ZNF34: variants seen among roughly 807,000 people sequenced by gnomAD.
ZNF34 encodes the protein zinc finger protein 34.
In ZNF34, 8 loss-of-function variants were observed where a neutral mutation model predicts 14.4. The ratio of observed to expected loss-of-function variants is 0.55; its 90% CI spans 0.33 to 1.00. The LOEUF is 1.00. Among genes scored for constraint, ZNF34 ranks in the 50% least tolerant of loss-of-function variants. ZNF34 has a pLI of 0.03. For missense variants in ZNF34, 538 were observed against 674.2 expected, an observed-to-expected ratio of 0.80 and a Z score of 2.24; for synonymous variants, 235 against 247.9, an observed-to-expected ratio of 0.95 and a Z score of 0.49.
chr8:144,782,998 T>G (rs1054001069), intron 1 of ZNF34, among the ~76,000 whole-genome samples: 1 of 138,360 alleles, frequency 7.2e-6, no homozygotes, highest in African/African-American at 3.5e-5. Flanking sequence ...TTTAAATAGA[T>G]TAAAAAAAAA....
At chr8:144,778,562 T>G (rs1212285699) in intron 2 of ZNF34, 37 bp from the exon 3 acceptor site, 1 of 1,478,480 alleles carries the variant, frequency 6.8e-7, no homozygotes, top group Non-Finnish European at 9.1e-7. Flanking sequence ...AGGCCCAGTC[T>G]GGCCCCTTCT....
intron 1 of ZNF34, among the ~76,000 whole-genome samples, chr8:144,780,508 C>T (rs978723090): frequency 6.6e-6 from 1 of 152,220 alleles, no homozygotes; most frequent in Non-Finnish European, 1.5e-5. Context: ...ACAGAACTGG[C>T]CGGGTGTGGT....
intron 3 of ZNF34, 120 bp from the exon 4 acceptor site, chr8:144,778,284 C>T (rs1586732424): frequency 8.2e-6 from 12 of 1,454,682 alleles, no homozygotes; most frequent in Middle Eastern, 1.8e-4. Flanking sequence ...CATCTGCCAC[C>T]GAGCCAGCTA....
At position 144,777,675 on chromosome 8, in the gene ZNF34, G is replaced by C; in HGVS notation, c.161-98C>G. The C allele has an allele frequency of 7.0e-7, 1 of 1,420,296 alleles. No homozygotes were observed. The highest frequency in any genetic ancestry group is 9.5e-7 in the Non-Finnish European group (1 of 1,054,588). 88.0% of individuals were successfully genotyped at this position (1,420,296 alleles called of 1,614,324 possible). A position where few individuals can be genotyped will look rare whatever the true frequency, so the allele number is the denominator to read the frequency against. ...CTGCAGGGTAAGGGAGGCACAGGCAGAGGGGGTGATGGAAGCCTGGACACT... is the reference window on the plus strand; with the variant it reads ...CTGCAGGGTAAGGGAGGCACAGGCACAGGGGGTGATGGAAGCCTGGACACT... On this transcript the variant is annotated intron_variant, in intron 4 of 5. Coordinates refer to ENST00000429371, the MANE Select transcript of ZNF34 (RefSeq NM_001286769.2). This position sits in a 1 kb window ranked among gnomAD's most constrained non-coding sequence, Gnocchi z 4.8.
rs764459277 is a variant in ZNF34 at position 144,777,665 on chromosome 8, G to A, written c.161-88C>T. 402 of 1,470,398 alleles carry A rather than the reference G, an allele frequency of 2.7e-4. No homozygotes were observed. The highest frequency in any genetic ancestry group is 3.6e-4 in the Non-Finnish European group (394 of 1,094,936). The allele number at this position is 1,470,398 out of a possible 1,614,324, so 91.1% of individuals were successfully genotyped here. A position where few individuals can be genotyped will look rare whatever the true frequency, so the allele number is the denominator to read the frequency against. The stretch of plus-strand genomic sequence containing the variant: ...CACCCTGGGGCTGCAGGGTAAGGGA[G>A]GCACAGGCAGAGGGGGTGATGGAAG... On this transcript the variant is annotated intron_variant, in intron 4 of 5. Coordinates refer to ENST00000429371, the MANE Select transcript of ZNF34 (RefSeq NM_001286769.2). The surrounding 1 kb of genome is among the most constrained non-coding windows in gnomAD (Gnocchi z 4.8).
Position 144,777,387 on chromosome 8 carries a change from A to G in ZNF34, c.280+71T>C. 1 of 1,513,320 alleles carries G rather than the reference A, an allele frequency of 6.6e-7. No individual in the cohort carries two copies. The highest frequency in any genetic ancestry group is 2.5e-5 in the East Asian group (1 of 40,244). The allele number at this position is 1,513,320 out of a possible 1,614,324, so 93.7% of individuals were successfully genotyped here. A position where few individuals can be genotyped will look rare whatever the true frequency, so the allele number is the denominator to read the frequency against. The stretch of plus-strand genomic sequence containing the variant: ...CTGGCCCACAAACTCCTGATTCATT[A>G]ATCAGACACCCTGGACCCCAATAAA... On this transcript the variant is annotated intron_variant, in intron 5 of 5. Coordinates refer to ENST00000429371, the MANE Select transcript of ZNF34 (RefSeq NM_001286769.2). This position sits in a 1 kb window ranked among gnomAD's most constrained non-coding sequence, Gnocchi z 4.8.
intron 1 of ZNF34, among the ~76,000 whole-genome samples, chr8:144,785,011 G>T (rs1246208788): frequency 6.6e-6 from 1 of 150,482 alleles, no homozygotes; most frequent in Non-Finnish European, 1.5e-5. Context: ...CAAAACCTCA[G>T]GTGGCTGAGG....
intron 2 of ZNF34, 61 bp from the exon 3 acceptor site, chr8:144,778,586 C>T: frequency 7.4e-7 from 1 of 1,346,686 alleles, no homozygotes; most frequent in Non-Finnish European, 1.0e-6. Flanking sequence ...ACAGCTCAGG[C>T]TACTTGGTGC....
At position 144,772,571 on chromosome 8, in the gene ZNF34, G is replaced by A. The variant is rs1048348021; in HGVS notation, c.*695C>T. 3.3e-5 allele frequency among the ~76,000 whole-genome samples: 5 copies of A among 152,148 alleles called. No individual in the cohort carries two copies. Among genetic ancestry groups the A allele is most frequent in the African/African-American group, 1.2e-4 (5 of 41,436 alleles). On this transcript the variant is annotated 3_prime_UTR_variant, in exon 6 of 6. Coordinates refer to ENST00000429371, the MANE Select transcript of ZNF34 (RefSeq NM_001286769.2). ...CATTTATTTTTTGAGACAGCGTCTCGCTCTGTCACCCAGGCTGGAGTACAG... is the reference window on the plus strand; with the variant it reads ...CATTTATTTTTTGAGACAGCGTCTCACTCTGTCACCCAGGCTGGAGTACAG...
Position 144,777,421 on chromosome 8 carries a change from C to A in ZNF34, c.280+37G>T. The A allele has an allele frequency of 1.9e-6, 3 of 1,548,196 alleles. No homozygotes were observed. The highest frequency in any genetic ancestry group is 1.2e-5 in the South Asian group (1 of 83,644). ...CCCTGGACCCCAATAAAGGCTCGTT[C>A]GGTGACTTGAGTTGGGGAGCAGATC... On this transcript the variant is annotated intron_variant, in intron 5 of 5. Transcript: ENST00000429371. The surrounding 1 kb of genome is among the most constrained non-coding windows in gnomAD (Gnocchi z 4.8).
rs917250757 is a variant in ZNF34, at chr8:144,777,555, C to A, written c.183G>T (p.Lys61Asn). The A allele has an allele frequency of 6.4e-7, 1 of 1,552,874 alleles. No individual in the cohort carries two copies. Among genetic ancestry groups the A allele is most frequent in the Non-Finnish European group, 8.7e-7 (1 of 1,147,672 alleles). Residue 61 changes from lysine to asparagine, a missense_variant, in exon 5 of 6, where the codon AAG (lysine) becomes AAT (asparagine). Coordinates refer to ENST00000429371, the MANE Select transcript of ZNF34 (RefSeq NM_001286769.2). This position sits in a 1 kb window ranked among gnomAD's most constrained non-coding sequence, Gnocchi z 4.8. ...VSLGVGPAGP[K>N]PGVISQLERG... Reference sequence around the variant, plus strand: ...GCTCCAACTGCGAGATCACTCCAGGCTTGGGGCCTGCAGGTCCTACTCCTG... The same window carrying A: ...GCTCCAACTGCGAGATCACTCCAGGATTGGGGCCTGCAGGTCCTACTCCTG...
At position 144,773,628 on chromosome 8, in the gene ZNF34, G is replaced by A; in HGVS notation, c.1258C>T (p.His420Tyr). The A allele has an allele frequency of 6.2e-7, 1 of 1,614,134 alleles. No individual in the cohort carries two copies. Among genetic ancestry groups the A allele is most frequent in the Non-Finnish European group, 8.5e-7 (1 of 1,180,012 alleles). Reference sequence around the variant, plus strand: ...CATTCATAGGGCTTCTCTCCAGTGTGGCTTCTCTGATGTTCCACGAGTTTG... The same window carrying A: ...CATTCATAGGGCTTCTCTCCAGTGTAGCTTCTCTGATGTTCCACGAGTTTG... Reference protein sequence around the residue: ...KTKLVEHQRSHTGEKPYECND... With the variant: ...KTKLVEHQRSYTGEKPYECND... Residue 420 changes from histidine (H) to tyrosine (Y), a missense_variant, in exon 6 of 6, where the codon CAC (histidine) becomes TAC (tyrosine). His to Tyr is a moderately conservative substitution (Grantham distance 83). Transcript: ENST00000429371. This position sits in a 1 kb window ranked among gnomAD's most constrained non-coding sequence, Gnocchi z 5.4.
rs1021469653 is a variant in ZNF34, at chr8:144,779,331, C to G, written c.-54-806G>C. Among the ~76,000 whole-genome samples, 1 of 152,210 alleles carries G rather than the reference C, an allele frequency of 6.6e-6. No individual in the cohort carries two copies. The highest frequency in any genetic ancestry group is 2.4e-5 in the African/African-American group (1 of 41,452). On this transcript the variant is annotated intron_variant, in intron 2 of 5. Transcript: ENST00000429371. This position sits in a 1 kb window ranked among gnomAD's most constrained non-coding sequence, Gnocchi z 4.1. ...AAAATGCTAAACCGTCACAGCTACG[C>G]TTGATGCACCGCTACCTTTCTATCC...
intron 1 of ZNF34, among the ~76,000 whole-genome samples, chr8:144,786,490 T>C (rs1826245875): frequency 1.3e-5 from 2 of 151,002 alleles, no homozygotes; most frequent in South Asian, 4.2e-4. Context: ...AAAAATTAGC[T>C]GGGCATGGTG....
In ZNF34 at chr8:144,774,499, C is replaced by T. The variant is rs1825374869; in HGVS notation, c.387G>A (p.Lys129=). 6.2e-6 allele frequency: 10 copies of T among 1,614,032 alleles called. No homozygotes were observed. Among genetic ancestry groups the T allele is most frequent in the Non-Finnish European group, 7.6e-6 (9 of 1,179,906 alleles). Residue 129 remains lysine, a synonymous_variant, in exon 6 of 6, where the codon AAG becomes AAA. Transcript: ENST00000429371. The part of the protein sequence containing the change: ...EPVEACDHIS[K]SEGSLEKLVE... ...CTAGCTTTTCCAGGCTCCCCTCTGACTTACTGATGTGGTCACAGGCTTCTA... is the reference window on the plus strand; with the variant it reads ...CTAGCTTTTCCAGGCTCCCCTCTGATTTACTGATGTGGTCACAGGCTTCTA...
intron 2 of ZNF34, 66 bp from the exon 3 acceptor site, chr8:144,778,591 T>A: frequency 3.0e-6 from 4 of 1,329,534 alleles, no homozygotes; most frequent in Non-Finnish European, 4.1e-6. Context: ...TCAGGCTACT[T>A]GGTGCTGCCA....
At chr8:144,785,979 GTTTTTTTTTT>G (rs35149527) in intron 1 of ZNF34, among the ~76,000 whole-genome samples, 1 of 99,282 alleles carries the variant, frequency 1.0e-5, no homozygotes, top group African/African-American at 4.2e-5. Context: ...TACATAGGTA[GTTTTTTTTTT>G]TTTTTTTTTT....
Position 144,782,050 on chromosome 8 carries a change from G to A in ZNF34, c.-107-1770C>T, listed in dbSNP as rs1043320596. ...AAAAATACACAACTTGGGGCTGGGCGCAGTGGCTCACGCCTGTAATCCCAG... is the reference window on the plus strand; with the variant it reads ...AAAAATACACAACTTGGGGCTGGGCACAGTGGCTCACGCCTGTAATCCCAG... On this transcript the variant is annotated intron_variant, in intron 1 of 5. Transcript: ENST00000429371. Among the ~76,000 whole-genome samples the A allele has an allele frequency of 9.9e-5, 15 of 152,202 alleles. 1 individual carries two copies. Among genetic ancestry groups the A allele is most frequent in the South Asian group, 2.1e-4 (1 of 4,822 alleles).
Position 144,773,508 on chromosome 8 carries a change from C to T in ZNF34, c.1378G>A (p.Gly460Arg), listed in dbSNP as rs1563782717. Residue 460 changes from glycine (G) to arginine (R), a missense_variant, in exon 6 of 6, where the codon GGG becomes AGG. By Grantham distance (125) the Gly-to-Arg change is moderately radical (BLOSUM62 -2). Transcript: ENST00000429371. This position sits in a 1 kb window ranked among gnomAD's most constrained non-coding sequence, Gnocchi z 5.4. ...CTGGAACTGTTGTGGAAGGCCTTCCCACACTCGCTGCACTTGTAGGGCTTC... is the reference window on the plus strand; with the variant it reads ...CTGGAACTGTTGTGGAAGGCCTTCCTACACTCGCTGCACTTGTAGGGCTTC... ...GEKPYKCSEC[G>R]KAFHNSSRLI... The T allele has an allele frequency of 1.2e-6, 2 of 1,614,188 alleles. No homozygotes were observed. The highest frequency in any genetic ancestry group is 1.7e-6 in the Non-Finnish European group (2 of 1,180,036).
Sources: gnomAD v4.1 joint callset for allele counts (sites outside exome capture counted in the v4.1 genomes callset) on GRCh38, gnomAD v4.1.1 for gene constraint, Gnocchi (gnomAD v3.1) non-coding constraint, MANE v1.5 for transcripts, NCBI Gene and HGNC (gene_info 2026-07-23, HGNC 2026-07-21) for gene names.